The following SIPA1L3 variants were observed in gnomAD, a reference collection of about 807,000 sequenced individuals.
The protein encoded by SIPA1L3 is signal induced proliferation associated 1 like 3.
SIPA1L3 carries 59 observed loss-of-function variants against 150.1 expected under a neutral mutation model. That is an observed-to-expected ratio of 0.39 (90% CI 0.32 to 0.49). The LOEUF (loss-of-function observed/expected upper bound fraction) is 0.49. Among genes scored for constraint, SIPA1L3 ranks in the 20% least tolerant of loss-of-function variants. The pLI, the probability that SIPA1L3 is intolerant of heterozygous loss-of-function variation, is 0.86. For synonymous variants in SIPA1L3, 1,070 were observed against 1,077.6 expected (o/e 0.99, Z 0.14); for missense variants, 2,211 against 2,489.5 (o/e 0.89, Z 2.38).
chr19:38,035,384 TAAAC>T (rs1300258332), intron 2 of SIPA1L3, among the ~76,000 whole-genome samples: 1 of 152,084 alleles, frequency 6.6e-6, no homozygotes, highest in Non-Finnish European at 1.5e-5. Flanking sequence ...GTTCTGCAGG[TAAAC>T]AACCCAGAGT....
In SIPA1L3 at chr19:38,206,094, C is replaced by A; in HGVS notation, c.5203-3C>A. The A allele has an allele frequency of 6.5e-7, 1 of 1,542,500 alleles. No individual in the cohort carries two copies. Among genetic ancestry groups the A allele is most frequent in the Non-Finnish European group, 8.8e-7 (1 of 1,141,516 alleles). ...CCTGATGCCAGCTTCCCACCCTGTG[C>A]AGGAGAAGCAGGACAAGGTGGTGCT... On this transcript the variant is annotated splice_polypyrimidine_tract_variant and splice_region_variant and intron_variant, in intron 21 of 21. Coordinates refer to ENST00000222345, the MANE Select transcript of SIPA1L3 (RefSeq NM_015073.3).
intron 2 of SIPA1L3, among the ~76,000 whole-genome samples, chr19:38,044,802 G>C (rs748961555): frequency 1.3e-5 from 2 of 152,160 alleles, no homozygotes; most frequent in Admixed American, 6.5e-5. Flanking sequence ...GTCCCCAGAT[G>C]ATGATGGGGA....
At chr19:38,194,085 G>A (rs1197695802) in intron 18 of SIPA1L3, among the ~76,000 whole-genome samples, 2 of 152,080 alleles carry the variant, frequency 1.3e-5, no homozygotes, top group African/African-American at 2.4e-5. Flanking sequence ...TAGGGAATGG[G>A]GCTGCCCAGC....
At chr19:37,940,294 CAAACAAAAAAAA>C (rs979151199) in intron 1 of SIPA1L3, among the ~76,000 whole-genome samples, 8 of 146,296 alleles carry the variant, frequency 5.5e-5, no homozygotes, top group Admixed American at 4.8e-4. Context: ...TAAAAACAAA[CAAACAAAAAAAA>C]AAACAAAAAA....
intron 2 of SIPA1L3, among the ~76,000 whole-genome samples, chr19:38,063,536 A>C (rs1203991606): frequency 6.6e-6 from 1 of 152,260 alleles, no homozygotes; most frequent in Non-Finnish European, 1.5e-5. Context: ...CAGGCCCAAC[A>C]GATGCGGTCT....
At chr19:38,159,339 T>A (rs1381528112) in intron 13 of SIPA1L3, among the ~76,000 whole-genome samples, 1 of 152,156 alleles carries the variant, frequency 6.6e-6, no homozygotes, top group Non-Finnish European at 1.5e-5. Context: ...GATTGCAAGC[T>A]CGGGGTCCCA....
intron 12 of SIPA1L3, among the ~76,000 whole-genome samples, chr19:38,149,053 A>G (rs772395326): frequency 6.6e-6 from 1 of 152,172 alleles, no homozygotes; most frequent in Non-Finnish European, 1.5e-5. Flanking sequence ...CAGCATCCCA[A>G]TGAATGGTCA....
chr19:38,183,754 T>A (rs914842236), intron 16 of SIPA1L3, among the ~76,000 whole-genome samples: 1 of 151,750 alleles, frequency 6.6e-6, no homozygotes, highest in African/African-American at 2.4e-5. Context: ...TGAAACCCCT[T>A]GATGTTGAGC....
chr19:37,927,939 GT>G (rs1272760459), intron 1 of SIPA1L3, among the ~76,000 whole-genome samples: 1 of 152,058 alleles, frequency 6.6e-6, no homozygotes, highest in Non-Finnish European at 1.5e-5. Context: ...TCTTTGTCCA[GT>G]CCGCTGTTGA....
chr19:38,084,438 C>G (rs1421271512), intron 3 of SIPA1L3, among the ~76,000 whole-genome samples: 2 of 151,400 alleles, frequency 1.3e-5, no homozygotes, highest in Non-Finnish European at 2.9e-5. Flanking sequence ...TCTCAGAAGC[C>G]CGGTCCAACT....
At position 38,092,995 on chromosome 19, in the gene SIPA1L3, G is replaced by A. The variant is rs188349468; in HGVS notation, c.1665+4144G>A. ...CTGCCTCAGCCTCCTGAGTAGCTGG[G>A]ACTACAGGCTCCCACTACCACACCC... On this transcript the variant is annotated intron_variant, in intron 4 of 21. Coordinates refer to ENST00000222345, the MANE Select transcript of SIPA1L3 (RefSeq NM_015073.3). Among the ~76,000 whole-genome samples the A allele has an allele frequency of 1.9e-3, 285 of 151,988 alleles. 4 individuals carry two copies. Among genetic ancestry groups the A allele is most frequent in the Admixed American group, 0.017 (265 of 15,248 alleles).
chr19:37,993,577 TAAGTGGA>T (rs1967564631), intron 1 of SIPA1L3, among the ~76,000 whole-genome samples: 1 of 152,110 alleles, frequency 6.6e-6, no homozygotes, highest in Admixed American at 6.5e-5. Flanking sequence ...GAAAGCATCA[TAAGTGGA>T]AAGTGTAAAT....
chr19:38,012,089 CTT>C (rs59957165), intron 1 of SIPA1L3, among the ~76,000 whole-genome samples: 62 of 140,432 alleles, frequency 4.4e-4, no homozygotes, highest in Non-Finnish European at 3.6e-4. Flanking sequence ...TGGGCTGTGT[CTT>C]TTTTTTTTTT....
intron 2 of SIPA1L3, among the ~76,000 whole-genome samples, chr19:38,049,334 G>A (rs891281281): frequency 1.3e-5 from 2 of 152,208 alleles, no homozygotes; most frequent in Non-Finnish European, 2.9e-5. Context: ...AGCTTCCGGG[G>A]TTTGGAGCTC....
At chr19:37,929,470 CT>C (rs1220466832) in intron 1 of SIPA1L3, among the ~76,000 whole-genome samples, 4 of 152,234 alleles carry the variant, frequency 2.6e-5, no homozygotes, top group African/African-American at 9.6e-5. Flanking sequence ...ACCTTTGAAA[CT>C]GTGCACAAAG....
At chr19:38,170,870 G>C (rs1327952023) in intron 15 of SIPA1L3, among the ~76,000 whole-genome samples, 1 of 151,992 alleles carries the variant, frequency 6.6e-6, no homozygotes, top group Non-Finnish European at 1.5e-5. Context: ...TGAAGGAGGA[G>C]AGGGGTTCAG....
At chr19:38,110,623 G>A (rs942791105) in intron 8 of SIPA1L3, among the ~76,000 whole-genome samples, 1 of 152,192 alleles carries the variant, frequency 6.6e-6, no homozygotes, top group Non-Finnish European at 1.5e-5. Context: ...TGTTTCAAGT[G>A]ACAGAAAACC....
chr19:38,204,216 C>T lies in SIPA1L3; in HGVS notation c.5202+8C>T, dbSNP rs374028330. The T allele has an allele frequency of 4.5e-6, 7 of 1,551,414 alleles. No homozygotes were observed. In the East Asian group the frequency reaches 7.3e-5, roughly 16 times the overall value. ...CACACTGACCTGCAGAAGGTAAGGC[C>T]GGGGGCCACGCCCTCTCCATCCCAC... On this transcript the variant is annotated splice_region_variant and intron_variant, in intron 21 of 21. Coordinates refer to ENST00000222345, the MANE Select transcript of SIPA1L3 (RefSeq NM_015073.3).
chr19:38,163,673 G>T (rs192274067), intron 14 of SIPA1L3, among the ~76,000 whole-genome samples: 2 of 151,974 alleles, frequency 1.3e-5, no homozygotes, highest in Non-Finnish European at 2.9e-5. Flanking sequence ...AGCAGCAGGC[G>T]CAGAGGCCCT....
Sources: allele counts gnomAD v4.1 joint callset (sites outside exome capture counted in the v4.1 genomes callset), GRCh38; gene constraint gnomAD v4.1.1; transcripts MANE v1.5; gene names NCBI Gene and HGNC (gene_info 2026-07-23, HGNC 2026-07-21).